MCF2L2: variants seen among roughly 807,000 people sequenced by gnomAD.
MCF2L2 encodes MCF.2 cell line derived transforming sequence-like 2.
In MCF2L2, 102 loss-of-function variants were observed where a neutral mutation model predicts 150.2. That is an observed-to-expected ratio of 0.68 (90% confidence interval 0.58 to 0.80). The LOEUF is 0.80. MCF2L2 is among the 30% of genes least tolerant of loss of function. The pLI, the probability that MCF2L2 is intolerant of heterozygous loss-of-function variation, is 0.00. For synonymous variants in MCF2L2, 465 were observed against 491.3 expected (o/e 0.95, Z 0.71); for missense variants, 1,256 against 1,372.8 (o/e 0.91, Z 1.34).
At chr3:183,198,667 T>A (rs1722154680) in intron 25 of MCF2L2, among the ~76,000 whole-genome samples, 1 of 152,176 alleles carries the variant, frequency 6.6e-6, no homozygotes, top group Admixed American at 6.5e-5. Flanking sequence ...AAAATGTATG[T>A]CCCCAGGACT....
At chr3:183,357,108 A>G (rs1225594816) in intron 3 of MCF2L2, among the ~76,000 whole-genome samples, 1 of 152,194 alleles carries the variant, frequency 6.6e-6, no homozygotes, top group East Asian at 1.9e-4. Flanking sequence ...AAGTTTATCA[A>G]AAATAAAACA....
chr3:183,308,605 A>G (rs1468521061), intron 10 of MCF2L2, among the ~76,000 whole-genome samples: 1 of 152,134 alleles, frequency 6.6e-6, no homozygotes, highest in East Asian at 1.9e-4. Context: ...GTGTTCATGC[A>G]TGTGCACAAG....
chr3:183,296,969 G>A lies in MCF2L2; in HGVS notation c.1497+7C>T, dbSNP rs780015733. On this transcript the variant is annotated splice_region_variant and intron_variant, in intron 12 of 29. Transcript: ENST00000328913. ...ACCACAGGATCAAAATAACCCGGAA[G>A]CATTACCTTTGCATCGAGGGTGAGC... 5 of 1,611,536 alleles carry A rather than the reference G, an allele frequency of 3.1e-6. No individual in the cohort carries two copies. Among genetic ancestry groups the A allele is most frequent in the Non-Finnish European group, 2.5e-6 (3 of 1,178,454 alleles).
chr3:183,282,032 G>A (rs887035012), intron 14 of MCF2L2, among the ~76,000 whole-genome samples: 2 of 151,370 alleles, frequency 1.3e-5, no homozygotes, highest in Non-Finnish European at 2.9e-5. Context: ...CTCCCAAAGC[G>A]CTGGGATTAC....
intron 4 of MCF2L2, among the ~76,000 whole-genome samples, chr3:183,340,113 G>A (rs1255584493): frequency 1.3e-5 from 2 of 152,160 alleles, no homozygotes. Flanking sequence ...CAATCCATGC[G>A]GCAATGGGAG....
chr3:183,207,822 T>C lies in MCF2L2; in HGVS notation c.2498A>G (p.Asp833Gly), dbSNP rs1257768258. ...VDLAAVTECP[D>G]DIGKLGKLLL... Reference sequence around the variant, plus strand: ...CAGCTTGCCTAGTTTTCCAATATCGTCCTTTTGGAAACACACATACAGGAA... The same window carrying C: ...CAGCTTGCCTAGTTTTCCAATATCGCCCTTTTGGAAACACACATACAGGAA... Residue 833 changes from aspartate (D) to glycine (G), a missense_variant and splice_region_variant, in exon 23 of 30, where the codon GAC (aspartate) becomes GGC (glycine). By Grantham distance (94) the Asp-to-Gly change is moderately conservative. Transcript: ENST00000328913. 6.2e-7 allele frequency: 1 copy of C among 1,611,960 alleles called. No individual in the cohort carries two copies. The highest frequency in any genetic ancestry group is 1.7e-5 in the Admixed American group (1 of 59,966).
intron 1 of MCF2L2, chr3:183,400,592 T>C: frequency 2.5e-6 from 1 of 394,602 alleles, no homozygotes; most frequent in South Asian, 1.9e-5. Flanking sequence ...TTAATCTCCC[T>C]GAAGTTCACT....
intron 27 of MCF2L2, among the ~76,000 whole-genome samples, chr3:183,184,674 T>A (rs535259038): frequency 3.6e-4 from 55 of 152,220 alleles, no homozygotes; most frequent in Non-Finnish European, 7.1e-4. Flanking sequence ...GGAATGAAAT[T>A]TATTAACAAG....
intron 3 of MCF2L2, among the ~76,000 whole-genome samples, chr3:183,361,924 A>G (rs775990533): frequency 1.1e-4 from 16 of 152,240 alleles, no homozygotes; most frequent in Non-Finnish European, 2.4e-4. Flanking sequence ...GGATCAATGT[A>G]TACAAACTCT....
intron 15 of MCF2L2, among the ~76,000 whole-genome samples, chr3:183,241,330 C>A (rs1724018343): frequency 6.6e-6 from 1 of 152,172 alleles, no homozygotes; most frequent in South Asian, 2.1e-4. Flanking sequence ...TGTGTACTGG[C>A]AAATTCTTTG....
At chr3:183,257,467 ATTAG>A (rs1725148616) in intron 15 of MCF2L2, among the ~76,000 whole-genome samples, 1 of 152,226 alleles carries the variant, frequency 6.6e-6, no homozygotes, top group Non-Finnish European at 1.5e-5. Flanking sequence ...TGTTTGTTGA[ATTAG>A]TTAAATATAC....
intron 27 of MCF2L2, among the ~76,000 whole-genome samples, chr3:183,191,926 C>T (rs560829776): frequency 4.6e-5 from 7 of 151,524 alleles, no homozygotes; most frequent in South Asian, 4.2e-4. Context: ...CTGCAAGCTC[C>T]GCCTCCCAGG....
Position 183,214,925 on chromosome 3 carries a change from G to A in MCF2L2, c.2496+1044C>T, listed in dbSNP as rs188919364. Among the ~76,000 whole-genome samples, 79 of 152,234 alleles carry A rather than the reference G, an allele frequency of 5.2e-4. 1 individual carries two copies. The East Asian group carries it at 0.014, about 27-fold the overall frequency. On this transcript the variant is annotated intron_variant, in intron 22 of 29. Transcript: ENST00000328913. ...CAGGAGAATCGCTTGAACCTGGCGGGCAGAGGTTGCAGTGAGCTGAGATCA... is the reference window on the plus strand; with the variant it reads ...CAGGAGAATCGCTTGAACCTGGCGGACAGAGGTTGCAGTGAGCTGAGATCA...
chr3:183,285,378 A>G (rs1302407769), intron 14 of MCF2L2, among the ~76,000 whole-genome samples: 3 of 152,240 alleles, frequency 2.0e-5, no homozygotes, highest in Non-Finnish European at 4.4e-5. Flanking sequence ...AATCAGATAG[A>G]TAAGTTAGGT....
intron 15 of MCF2L2, among the ~76,000 whole-genome samples, chr3:183,238,995 CAAAAAAAAAAAA>C (rs60736939): frequency 2.2e-5 from 2 of 88,902 alleles, no homozygotes; most frequent in African/African-American, 7.6e-5. Context: ...ATATCCGTCT[CAAAAAAAAAAAA>C]AAAAAAAAAA....
At chr3:183,253,611 G>A (rs1365695549) in intron 15 of MCF2L2, 1 of 152,336 alleles carries the variant, frequency 6.6e-6, no homozygotes, top group East Asian at 1.9e-4. Flanking sequence ...CCACGCATAA[G>A]TGGTGTGACC....
At chr3:183,387,931 C>CAAAAAAAAA (rs61024469) in intron 2 of MCF2L2, among the ~76,000 whole-genome samples, 1 of 72,402 alleles carries the variant, frequency 1.4e-5, no homozygotes, top group African/African-American at 6.3e-5. Context: ...GACTCCATCT[C>CAAAAAAAAA]AAAAAAAAAA....
At chr3:183,334,053 G>A (rs1385610427) in intron 5 of MCF2L2, among the ~76,000 whole-genome samples, 1 of 151,754 alleles carries the variant, frequency 6.6e-6, no homozygotes, top group East Asian at 1.9e-4. Context: ...TGGGACAGCT[G>A]GAGCACCACG....
chr3:183,267,336 C>G lies in MCF2L2; in HGVS notation c.1862+9536G>C, dbSNP rs1726250490. Among the ~76,000 whole-genome samples the G allele has an allele frequency of 6.6e-6, 1 of 152,224 alleles. No homozygotes were observed. Among genetic ancestry groups the G allele is most frequent in the Admixed American group, 6.5e-5 (1 of 15,288 alleles). Reference sequence around the variant, plus strand: ...GACAAAGTCTGAATGGGGCTTGGCTCTAATCTCTAGTCCTCATTGGACATT... The same window carrying G: ...GACAAAGTCTGAATGGGGCTTGGCTGTAATCTCTAGTCCTCATTGGACATT... On this transcript the variant is annotated intron_variant, in intron 15 of 29. Coordinates refer to ENST00000328913, the MANE Select transcript of MCF2L2 (RefSeq NM_015078.4). This position sits in a 1 kb window ranked among gnomAD's most constrained non-coding sequence, Gnocchi z 5.5.
Sources: gnomAD v4.1 joint callset for allele counts (sites outside exome capture counted in the v4.1 genomes callset) on GRCh38, gnomAD v4.1.1 for gene constraint, Gnocchi (gnomAD v3.1) non-coding constraint, MANE v1.5 for transcripts, NCBI Gene and HGNC (gene_info 2026-07-23, HGNC 2026-07-21) for gene names.